Variants in ST8SIA1 observed in about 807,000 individuals in gnomAD.
ST8SIA1 encodes the protein ST8 alpha-N-acetyl-neuraminide alpha-2,8-sialyltransferase 1.
Under a neutral mutation model 35.9 loss-of-function variants are expected in ST8SIA1, and 16 were observed. The ratio of observed to expected loss-of-function variants is 0.45; its 90% confidence interval spans 0.30 to 0.68. ST8SIA1 has a LOEUF of 0.68. ST8SIA1 is among the 30% of genes least tolerant of loss of function. ST8SIA1 has a pLI of 0.09. For missense variants in ST8SIA1, 383 were observed against 453.6 expected (o/e 0.84, Z 1.41); for synonymous variants, 170 against 169.6 (o/e 1.00, Z -0.02).
At chr12:22,260,037 T>C (rs1022589776) in intron 2 of ST8SIA1, among the ~76,000 whole-genome samples, 3 of 152,178 alleles carry the variant, frequency 2.0e-5, no homozygotes, top group Non-Finnish European at 2.9e-5. Flanking sequence ...GAAAATAATC[T>C]ACTGGATTTG....
intron 1 of ST8SIA1, among the ~76,000 whole-genome samples, chr12:22,333,158 A>C (rs760647685): frequency 3.9e-5 from 6 of 152,184 alleles, no homozygotes; most frequent in Admixed American, 2.0e-4. Flanking sequence ...ACAACCTCTG[A>C]GTGATCCTCA....
At chr12:22,249,422 G>T (rs368264935) in intron 3 of ST8SIA1, among the ~76,000 whole-genome samples, 11 of 152,056 alleles carry the variant, frequency 7.2e-5, no homozygotes, top group Admixed American at 3.3e-4. Flanking sequence ...GAGTTTCACC[G>T]TGTTATCCAG....
intron 1 of ST8SIA1, among the ~76,000 whole-genome samples, chr12:22,327,566 C>T (rs906584769): frequency 2.6e-5 from 4 of 152,194 alleles, no homozygotes; most frequent in Admixed American, 6.5e-5. Flanking sequence ...ATCCCATTAA[C>T]ACCCTGCCTC....
intron 4 of ST8SIA1, among the ~76,000 whole-genome samples, chr12:22,209,034 C>T (rs181212314): frequency 4.6e-5 from 7 of 152,136 alleles, no homozygotes; most frequent in Admixed American, 3.3e-4. Context: ...ATCTTTAAGA[C>T]CTTTAGGACA....
At chr12:22,235,897 C>T (rs1865471823) in intron 4 of ST8SIA1, among the ~76,000 whole-genome samples, 1 of 151,532 alleles carries the variant, frequency 6.6e-6, no homozygotes, top group African/African-American at 2.4e-5. Context: ...CTTCACCACA[C>T]ACACACACAC....
rs1297655943 is a variant in ST8SIA1 at position 22,334,504 on chromosome 12, G to T, written c.-272C>A. 2 of 515,908 alleles carry T rather than the reference G, an allele frequency of 3.9e-6. No homozygotes were observed. Among genetic ancestry groups the T allele is most frequent in the Non-Finnish European group, 6.9e-6 (2 of 288,084 alleles). The allele number at this position is 515,908 out of a possible 1,614,324, so 32.0% of individuals were successfully genotyped here. ...CATGGTCGCTTCCCCTGCAGAAGGC[G>T]GGCGCTGGGGTCTCCGAGTGCGCAG... On this transcript the variant is annotated 5_prime_UTR_variant, in exon 1 of 5. Coordinates refer to ENST00000396037, the MANE Select transcript of ST8SIA1 (RefSeq NM_003034.4).
intron 4 of ST8SIA1, among the ~76,000 whole-genome samples, chr12:22,240,420 T>C (rs1304949874): frequency 6.6e-6 from 1 of 152,192 alleles, no homozygotes; most frequent in Non-Finnish European, 1.5e-5. Flanking sequence ...AGTTTCAGTT[T>C]TATTATCTGC....
intron 2 of ST8SIA1, among the ~76,000 whole-genome samples, chr12:22,280,946 T>C (rs148888851): frequency 6.6e-6 from 1 of 152,370 alleles, no homozygotes; most frequent in East Asian, 1.9e-4. Context: ...ATTATCCAAA[T>C]ATAATGAAAC....
At chr12:22,296,196 C>A (rs11613665) in intron 1 of ST8SIA1, among the ~76,000 whole-genome samples, 2 of 152,080 alleles carry the variant, frequency 1.3e-5, no homozygotes, top group Admixed American at 1.3e-4. Context: ...GAGCATGGGA[C>A]GGACTGGTGT....
intron 4 of ST8SIA1, among the ~76,000 whole-genome samples, chr12:22,239,293 C>G (rs890944815): frequency 2.0e-5 from 3 of 152,156 alleles, no homozygotes; most frequent in East Asian, 1.9e-4. Flanking sequence ...GAGTTCTTAT[C>G]CCTATTTTAT....
intron 1 of ST8SIA1, among the ~76,000 whole-genome samples, chr12:22,320,489 C>T (rs574896578): frequency 1.3e-5 from 2 of 152,232 alleles, no homozygotes; most frequent in East Asian, 3.9e-4. Context: ...AGAGGGGAGA[C>T]AAGGGCTTTC....
chr12:22,240,310 T>C (rs16924821), intron 4 of ST8SIA1, among the ~76,000 whole-genome samples: 4,184 of 152,292 alleles, frequency 0.027, 95 homozygotes, highest in East Asian at 0.11. Flanking sequence ...TAATCAAAAC[T>C]TGTGTTCTTC....
chr12:22,218,751 C>T (rs187248376), intron 4 of ST8SIA1, among the ~76,000 whole-genome samples: 6 of 151,656 alleles, frequency 4.0e-5, no homozygotes, highest in African/African-American at 7.2e-5. Context: ...ACCTGGGAGG[C>T]GGAGGTTGCA....
chr12:22,197,899 C>G lies in ST8SIA1; in HGVS notation c.*3653G>C, dbSNP rs1865007066. The G allele has an allele frequency of 6.6e-6, 1 of 152,170 alleles. No homozygotes were observed. Among genetic ancestry groups the G allele is most frequent in the Non-Finnish European group, 1.5e-5 (1 of 68,034 alleles). 9.4% of individuals were successfully genotyped at this position (152,170 alleles called of 1,614,324 possible). On this transcript the variant is annotated 3_prime_UTR_variant, in exon 5 of 5. Transcript: ENST00000396037. The stretch of plus-strand genomic sequence containing the variant: ...AATCCAGTGAGCACTTCCTTAACTT[C>G]TTGTATGAGAATTATGCAGTTTAGA...
intron 4 of ST8SIA1, among the ~76,000 whole-genome samples, chr12:22,240,257 C>A (rs1432740002): frequency 6.6e-6 from 1 of 152,080 alleles, no homozygotes; most frequent in African/African-American, 2.4e-5. Flanking sequence ...TAGGCAGAAA[C>A]ACTTACTAGC....
intron 1 of ST8SIA1, among the ~76,000 whole-genome samples, chr12:22,333,625 C>G (rs1011323063): frequency 2.6e-5 from 4 of 152,236 alleles, no homozygotes; most frequent in Admixed American, 6.5e-5. Flanking sequence ...TTCCCTACAG[C>G]TTCAAATGTC....
intron 1 of ST8SIA1, among the ~76,000 whole-genome samples, chr12:22,289,729 C>T (rs545432849): frequency 3.9e-5 from 6 of 152,264 alleles, no homozygotes; most frequent in African/African-American, 1.4e-4. Flanking sequence ...GCTGAACTTG[C>T]CATTCTGTAC....
chr12:22,276,020 G>A (rs1865963922), intron 2 of ST8SIA1, among the ~76,000 whole-genome samples: 1 of 152,296 alleles, frequency 6.6e-6, no homozygotes, highest in Middle Eastern at 3.4e-3. Flanking sequence ...TGTGAGTCAG[G>A]GGAATGATAT....
Position 22,201,501 on chromosome 12 carries a change from A to G in ST8SIA1, c.*51T>C, listed in dbSNP as rs1312724736. 2.0e-6 allele frequency: 3 copies of G among 1,535,456 alleles called. No individual in the cohort carries two copies. Among genetic ancestry groups the G allele is most frequent in the Non-Finnish European group, 2.6e-6 (3 of 1,145,776 alleles). On this transcript the variant is annotated 3_prime_UTR_variant, in exon 5 of 5. Coordinates refer to ENST00000396037, the MANE Select transcript of ST8SIA1 (RefSeq NM_003034.4). ...TGACCATTCCCTCTTGGAGTCACATAGAAAACCTAACAAAAATACCCTGGT... is the reference window on the plus strand; with the variant it reads ...TGACCATTCCCTCTTGGAGTCACATGGAAAACCTAACAAAAATACCCTGGT...
Sources: allele counts gnomAD v4.1 joint callset (sites outside exome capture counted in the v4.1 genomes callset), GRCh38; gene constraint gnomAD v4.1.1; transcripts MANE v1.5; gene names NCBI Gene and HGNC (gene_info 2026-07-23, HGNC 2026-07-21).